The following GNB1 variants were observed in gnomAD, a reference collection of about 807,000 sequenced individuals.
GNB1 encodes the protein G protein subunit beta 1.
Under a neutral mutation model 42.9 loss-of-function variants are expected in GNB1, and 2 were observed. The ratio of observed to expected loss-of-function variants is 0.05; its 90% CI spans 0.02 to 0.15. The LOEUF is 0.15. Among genes scored for constraint, GNB1 ranks in the 10% least tolerant of loss-of-function variants. The pLI is 1.00. For synonymous variants in GNB1, 183 were observed against 174.7 expected, an observed-to-expected ratio of 1.05 and a Z score of -0.38; for missense variants, 193 against 462.2, an observed-to-expected ratio of 0.42 and a Z score of 5.34.
At chr1:1,877,407 C>T (rs1649610285) in intron 1 of GNB1, among the ~76,000 whole-genome samples, 1 of 151,270 alleles carries the variant, frequency 6.6e-6, no homozygotes, top group African/African-American at 2.4e-5. Context: ...ATACAAAACA[C>T]TAGAAGAAAT....
At chr1:1,850,685 T>A (rs1647933420) in intron 1 of GNB1, among the ~76,000 whole-genome samples, 1 of 152,124 alleles carries the variant, frequency 6.6e-6, no homozygotes, top group Non-Finnish European at 1.5e-5. Context: ...TTTTACCACA[T>A]CCATCACAGT....
intron 1 of GNB1, among the ~76,000 whole-genome samples, chr1:1,842,029 C>T (rs1386098566): frequency 2.0e-5 from 3 of 152,328 alleles, no homozygotes; most frequent in African/African-American, 4.8e-5. Flanking sequence ...TAAAGGAGGC[C>T]GAGCGTGGTG....
At chr1:1,859,622 A>G (rs1010523147) in intron 1 of GNB1, among the ~76,000 whole-genome samples, 1 of 151,636 alleles carries the variant, frequency 6.6e-6, no homozygotes, top group African/African-American at 2.4e-5. Flanking sequence ...GTGGGGGAGG[A>G]AAGAAAATGT....
chr1:1,802,805 T>C (rs1291056315), intron 7 of GNB1, among the ~76,000 whole-genome samples: 1 of 150,644 alleles, frequency 6.6e-6, no homozygotes, highest in African/African-American at 2.4e-5. Flanking sequence ...ATGTGTGTGA[T>C]GTGGCTAAAG....
intron 2 of GNB1, among the ~76,000 whole-genome samples, chr1:1,833,769 G>A (rs1463577299): frequency 6.6e-6 from 1 of 152,086 alleles, no homozygotes; most frequent in Non-Finnish European, 1.5e-5. Context: ...CAGGCAGATG[G>A]GCAAAAATAA....
intron 2 of GNB1, among the ~76,000 whole-genome samples, chr1:1,835,495 G>A (rs1647134110): frequency 6.6e-6 from 1 of 152,152 alleles, no homozygotes; most frequent in Non-Finnish European, 1.5e-5. Context: ...GTGTAAAACT[G>A]TTGCCCTGAA....
In GNB1 at chr1:1,839,179, A is replaced by G. The variant is rs1441192115; in HGVS notation, c.-47+11T>C. The G allele has an allele frequency of 6.6e-6, 1 of 152,220 alleles. No individual in the cohort carries two copies. Among genetic ancestry groups the G allele is most frequent in the Non-Finnish European group, 1.5e-5 (1 of 68,056 alleles). The allele number at this position is 152,220 out of a possible 1,614,324, so 9.4% of individuals were successfully genotyped here. On this transcript the variant is annotated intron_variant, in intron 2 of 11. Transcript: ENST00000378609. ...TCTAAAACTGATGAGGATCAAATAT[A>G]TCAAAATTACCTTAATTCAGAAGGG...
chr1:1,872,684 A>AAATACCCTAAAC (rs1325166530), intron 1 of GNB1, among the ~76,000 whole-genome samples: 2 of 151,844 alleles, frequency 1.3e-5, no homozygotes, highest in Non-Finnish European at 2.9e-5. Flanking sequence ...CCTTTACTCT[A>AAATACCCTAAAC]AATACCCTAA....
chr1:1,842,377 C>A (rs770320572), intron 1 of GNB1, among the ~76,000 whole-genome samples: 4 of 151,726 alleles, frequency 2.6e-5, no homozygotes, highest in African/African-American at 9.7e-5. Flanking sequence ...TTGCAGTGAG[C>A]CAAGGTTGCA....
chr1:1,877,400 C>T (rs1009492618), intron 1 of GNB1, among the ~76,000 whole-genome samples: 2 of 150,862 alleles, frequency 1.3e-5, no homozygotes, highest in Non-Finnish European at 2.9e-5. Context: ...ATGAGAGATA[C>T]AAAACACTAG....
intron 5 of GNB1, among the ~76,000 whole-genome samples, chr1:1,812,439 A>C (rs2100812564): frequency 1.3e-5 from 2 of 151,268 alleles, no homozygotes; most frequent in Middle Eastern, 6.9e-3. Flanking sequence ...CCCTCCCCCC[A>C]AAAAACCTCT....
intron 3 of GNB1, among the ~76,000 whole-genome samples, chr1:1,820,593 G>A (rs1315384926): frequency 6.6e-6 from 1 of 152,088 alleles, no homozygotes; most frequent in African/African-American, 2.4e-5. Context: ...GGCAAGTACT[G>A]AGTTTAATAT....
intron 1 of GNB1, among the ~76,000 whole-genome samples, chr1:1,861,992 G>A (rs990578326): frequency 3.9e-5 from 6 of 152,050 alleles, no homozygotes; most frequent in South Asian, 4.1e-4. Flanking sequence ...CTTGAGCCCC[G>A]GGGGTCGGAG....
intron 7 of GNB1, among the ~76,000 whole-genome samples, chr1:1,799,580 G>A (rs1646596971): frequency 6.6e-6 from 1 of 152,162 alleles, no homozygotes; most frequent in Admixed American, 6.5e-5. Context: ...CCCAGCGATG[G>A]CCAGGGGCTC....
At chr1:1,834,776 C>G (rs1011533784) in intron 2 of GNB1, among the ~76,000 whole-genome samples, 2 of 149,898 alleles carry the variant, frequency 1.3e-5, no homozygotes, top group Non-Finnish European at 2.9e-5. Context: ...TCATGCCATT[C>G]TCCTGCCTCA....
chr1:1,839,691 A>T (rs1426654085), intron 1 of GNB1: 1 of 150,026 alleles, frequency 6.7e-6, no homozygotes, highest in African/African-American at 2.4e-5. Flanking sequence ...CACTAAAAAT[A>T]CAAAAAAAAA....
At chr1:1,831,583 G>T (rs2101061306) in intron 2 of GNB1, among the ~76,000 whole-genome samples, 1 of 151,828 alleles carries the variant, frequency 6.6e-6, no homozygotes, top group South Asian at 2.1e-4. Context: ...CAAGTAGCTG[G>T]GATTACAGGC....
chr1:1,812,466 G>A (rs1646795773), intron 5 of GNB1, among the ~76,000 whole-genome samples: 1 of 151,422 alleles, frequency 6.6e-6, no homozygotes, highest in African/African-American at 2.4e-5. Context: ...CCTTAAAGAG[G>A]CAAACACTGG....
chr1:1,882,181 G>A (rs1432840351), intron 1 of GNB1, among the ~76,000 whole-genome samples: 2 of 152,154 alleles, frequency 1.3e-5, no homozygotes, highest in East Asian at 3.8e-4. Context: ...AGGCACAGTG[G>A]CTCACGCCTG....
Sources: allele counts gnomAD v4.1 joint callset (sites outside exome capture counted in the v4.1 genomes callset), GRCh38; gene constraint gnomAD v4.1.1; transcripts MANE v1.5; gene names NCBI Gene and HGNC (gene_info 2026-07-23, HGNC 2026-07-21).